Variants in DNM1 observed in about 807,000 individuals in gnomAD.
DNM1 encodes dynamin-1.
A neutral mutation model predicts 104.6 loss-of-function variants in DNM1; 29 were observed. That is an observed-to-expected ratio of 0.28 (90% CI 0.21 to 0.38). The LOEUF (loss-of-function observed/expected upper bound fraction) is 0.38, where lower values mean the gene tolerates loss of function less well. Among genes scored for constraint, DNM1 ranks in the 10% least tolerant of loss-of-function variants. DNM1 has a pLI of 1.00. For missense variants in DNM1, 640 were observed against 1,189.4 expected, an observed-to-expected ratio of 0.54 and a Z score of 6.79; for synonymous variants, 445 against 475.8, an observed-to-expected ratio of 0.94 and a Z score of 0.84.
In DNM1 at chr9:128,248,490, T is replaced by C; in HGVS notation, c.1906-93T>C. ...GTCGCTTCTCTCTGTGCCTCAATAT[T>C]CTGGGTACCCTTGGAGGGGCTGAGA... is the stretch of plus-strand genomic sequence containing the variant. On this transcript the variant is annotated intron_variant, in intron 18 of 21. Transcript: ENST00000372923. The surrounding 1 kb of genome is among the most constrained non-coding windows in gnomAD (Gnocchi z 5.6). 1.4e-6 allele frequency: 2 copies of C among 1,473,016 alleles called. No individual in the cohort carries two copies. The highest frequency in any genetic ancestry group is 2.5e-5 in the South Asian group (2 of 79,036). 91.2% of individuals were successfully genotyped at this position (1,473,016 alleles called of 1,614,324 possible). A position where few individuals can be genotyped will look rare whatever the true frequency, so the allele number is the denominator to read the frequency against.
At position 128,203,408 on chromosome 9, in the gene DNM1, C is replaced by A; in HGVS notation, c.-63C>A. 7.4e-7 allele frequency: 1 copy of A among 1,349,302 alleles called. No individual in the cohort carries two copies. The highest frequency in any genetic ancestry group is 1.7e-5 in the South Asian group (1 of 59,022). 83.6% of individuals were successfully genotyped at this position (1,349,302 alleles called of 1,614,324 possible). A position where few individuals can be genotyped will look rare whatever the true frequency, so the allele number is the denominator to read the frequency against. ...TGGGCGCGCGGCTGCAGCGGCGGAG[C>A]CGGAGTCGGAGCCGGGAGCGCTAGC... On this transcript the variant is annotated 5_prime_UTR_variant, in exon 1 of 22. Coordinates refer to ENST00000372923, the MANE Select transcript of DNM1 (RefSeq NM_004408.4). The surrounding 1 kb of genome is among the most constrained non-coding windows in gnomAD (Gnocchi z 5.3).
chr9:128,220,015 A>G lies in DNM1; in HGVS notation c.617A>G (p.Lys206Arg). 6.3e-7 allele frequency: 1 copy of G among 1,597,914 alleles called. No homozygotes were observed. Among genetic ancestry groups the G allele is most frequent in the Admixed American group, 1.8e-5 (1 of 57,116 alleles). ...QGQRTIGVITKLDLMDEGTDA... is the reference protein window; with the variant it reads ...QGQRTIGVITRLDLMDEGTDA... ...CAGCGCACCATCGGGGTCATCACCA[A>G]GCTGGACCTGATGGACGAGGGCACA... The change falls in exon 5 of 22, where the codon AAG becomes AGG. Residue 206 changes from lysine (K) to arginine (R), a missense_variant. Lys to Arg is a conservative substitution (Grantham distance 26). Transcript: ENST00000372923. The surrounding 1 kb of genome is among the most constrained non-coding windows in gnomAD (Gnocchi z 5.2).
chr9:128,207,137 G>A (rs1473796732), intron 1 of DNM1, among the ~76,000 whole-genome samples: 2 of 152,058 alleles, frequency 1.3e-5, no homozygotes, highest in Admixed American at 6.6e-5. Flanking sequence ...TAACAGAGTC[G>A]GGAAGAGTAA....
intron 11 of DNM1, among the ~76,000 whole-genome samples, chr9:128,235,189 T>C (rs1835936183): frequency 6.6e-6 from 1 of 152,274 alleles, no homozygotes; most frequent in East Asian, 1.9e-4. Flanking sequence ...ATCCGTATTG[T>C]AGCATGTGTC....
chr9:128,203,696 G>T lies in DNM1; in HGVS notation c.161+65G>T. ...CGGGATCCCTGGAGTCCCCGCCCGG[G>T]GCACTGACGGCGCGGCGACCTCGCA... On this transcript the variant is annotated intron_variant, in intron 1 of 21. Coordinates refer to ENST00000372923, the MANE Select transcript of DNM1 (RefSeq NM_004408.4). This position sits in a 1 kb window ranked among gnomAD's most constrained non-coding sequence, Gnocchi z 5.3. The T allele has an allele frequency of 7.4e-7, 1 of 1,359,874 alleles. No homozygotes were observed. Among genetic ancestry groups the T allele is most frequent in the Non-Finnish European group, 9.5e-7 (1 of 1,057,586 alleles). 84.2% of individuals were successfully genotyped at this position (1,359,874 alleles called of 1,614,324 possible).
Position 128,222,572 on chromosome 9 carries a change from G to A in DNM1, c.1104G>A (p.Glu368=). ...CCCGCATTAACCGAATCTTCCACGA[G>A]CGCTTCCCTTTCGAGCTGGTCAAGG... ...GGARINRIFH[E]RFPFELVKME... The change falls in exon 8 of 22, where the codon GAG becomes GAA. Residue 368 remains glutamate (E), a synonymous_variant. Coordinates refer to ENST00000372923, the MANE Select transcript of DNM1 (RefSeq NM_004408.4). This position sits in a 1 kb window ranked among gnomAD's most constrained non-coding sequence, Gnocchi z 7.8. 1 of 1,614,168 alleles carries A rather than the reference G, an allele frequency of 6.2e-7. No homozygotes were observed. The highest frequency in any genetic ancestry group is 1.1e-5 in the South Asian group (1 of 91,082).
At position 128,247,261 on chromosome 9, in the gene DNM1, G is replaced by C; in HGVS notation, c.1782-114G>C. On this transcript the variant is annotated intron_variant, in intron 16 of 21. Transcript: ENST00000372923. The surrounding 1 kb of genome is among the most constrained non-coding windows in gnomAD (Gnocchi z 5.1). ...GAAGGGACTTGCACAGGGTCACACAGCTGGGAAATGAGCTGGCCTCAGGCA... is the reference window on the plus strand; with the variant it reads ...GAAGGGACTTGCACAGGGTCACACACCTGGGAAATGAGCTGGCCTCAGGCA... The C allele has an allele frequency of 1.5e-6, 1 of 647,892 alleles. No individual in the cohort carries two copies. The allele number at this position is 647,892 out of a possible 1,614,324, so 40.1% of individuals were successfully genotyped here.
At chr9:128,244,948 G>T (rs1407601279) in intron 15 of DNM1, 1 of 315,424 alleles carries the variant, frequency 3.2e-6, no homozygotes, top group Non-Finnish European at 6.9e-6. Context: ...CCAGCCCGTG[G>T]TCCCCTCTCT....
At chr9:128,231,017 G>C (rs1249328752) in intron 10 of DNM1, among the ~76,000 whole-genome samples, 1 of 148,354 alleles carries the variant, frequency 6.7e-6, no homozygotes, top group Non-Finnish European at 1.5e-5. Context: ...TAGCCAGGCT[G>C]GTCTCAAACT....
At position 128,254,866 on chromosome 9, in the gene DNM1, C is replaced by T. The variant is rs1421374896; in HGVS notation, c.*152C>T. 3.0e-6 allele frequency: 2 copies of T among 669,098 alleles called. 1 individual carries two copies. Among genetic ancestry groups the T allele is most frequent in the Non-Finnish European group, 5.1e-6 (2 of 389,796 alleles). 41.4% of individuals were successfully genotyped at this position (669,098 alleles called of 1,614,324 possible). On this transcript the variant is annotated 3_prime_UTR_variant, in exon 22 of 22. Coordinates refer to ENST00000372923, the MANE Select transcript of DNM1 (RefSeq NM_004408.4). This position sits in a 1 kb window ranked among gnomAD's most constrained non-coding sequence, Gnocchi z 6.1. ...GGTGAGCTGATACATTCAGGTGTGA[C>T]CGTTGGTGAAAACTTGTGCCCCTTC...
Position 128,218,082 on chromosome 9 carries a change from T to C in DNM1, c.162-149T>C. Reference sequence around the variant, plus strand: ...TCCACCTTTCTGGGCTGCCATATGCTCTTAGTTACCTGAAGCCCCTGGGCT... The same window carrying C: ...TCCACCTTTCTGGGCTGCCATATGCCCTTAGTTACCTGAAGCCCCTGGGCT... On this transcript the variant is annotated intron_variant, in intron 1 of 21. Coordinates refer to ENST00000372923, the MANE Select transcript of DNM1 (RefSeq NM_004408.4). This position sits in a 1 kb window ranked among gnomAD's most constrained non-coding sequence, Gnocchi z 4.8. The C allele has an allele frequency of 1.3e-6, 1 of 763,058 alleles. No homozygotes were observed. Among genetic ancestry groups the C allele is most frequent in the Non-Finnish European group, 2.4e-6 (1 of 425,286 alleles). 47.3% of individuals were successfully genotyped at this position (763,058 alleles called of 1,614,324 possible).
chr9:128,245,149 T>C lies in DNM1; in HGVS notation c.1672-1245T>C, dbSNP rs1389543719. 2.1e-5 allele frequency: 4 copies of C among 186,918 alleles called. No homozygotes were observed. Among genetic ancestry groups the C allele is most frequent in the Non-Finnish European group, 2.3e-5 (2 of 86,856 alleles). The allele number at this position is 186,918 out of a possible 1,614,324, so 11.6% of individuals were successfully genotyped here. A position where few individuals can be genotyped will look rare whatever the true frequency, so the allele number is the denominator to read the frequency against. ...GGGGCCTCTCTCGAACGGTTCCAGA[T>C]GTTCCCTGGCCGTGTGTGCAACTTC... On this transcript the variant is annotated intron_variant, in intron 15 of 21. Transcript: ENST00000372923. This position sits in a 1 kb window ranked among gnomAD's most constrained non-coding sequence, Gnocchi z 5.2.
Position 128,218,767 on chromosome 9 carries a change from C to A in DNM1, c.385+36C>A, listed in dbSNP as rs1834763295. The A allele has an allele frequency of 1.7e-5, 26 of 1,560,760 alleles. No individual in the cohort carries two copies. The highest frequency in any genetic ancestry group is 5.8e-5 in the South Asian group (5 of 85,924). ...TGGCCCCGCCCTAACCTCTAAGAAT[C>A]ATTTTCTTGGCCACGCACCTCTGCG... is the stretch of plus-strand genomic sequence containing the variant. On this transcript the variant is annotated intron_variant, in intron 3 of 21. Coordinates refer to ENST00000372923, the MANE Select transcript of DNM1 (RefSeq NM_004408.4). The surrounding 1 kb of genome is among the most constrained non-coding windows in gnomAD (Gnocchi z 4.8).
rs554793040 is a variant in DNM1 at position 128,243,515 on chromosome 9, G to A, written c.1671+1170G>A. On this transcript the variant is annotated intron_variant, in intron 15 of 21. Transcript: ENST00000372923. The surrounding 1 kb of genome is among the most constrained non-coding windows in gnomAD (Gnocchi z 4.0). ...TCCACCTTGGGAGGGGCCCTCTGTC[G>A]TCACTGGCGGGGGCGCCAAGCCATC... Among the ~76,000 whole-genome samples, 585 of 152,326 alleles carry A rather than the reference G, an allele frequency of 3.8e-3. 4 individuals are homozygous for A. Among genetic ancestry groups the A allele is most frequent in the South Asian group, 0.034 (162 of 4,830 alleles).
intron 1 of DNM1, among the ~76,000 whole-genome samples, chr9:128,211,823 C>T (rs1456485913): frequency 6.6e-6 from 1 of 152,188 alleles, no homozygotes; most frequent in African/African-American, 2.4e-5. Flanking sequence ...TTTGTTTTCT[C>T]CCAGATGGGA....
At chr9:128,242,626 G>A (rs1236785533) in intron 15 of DNM1, among the ~76,000 whole-genome samples, 3 of 152,176 alleles carry the variant, frequency 2.0e-5, no homozygotes, top group Admixed American at 6.5e-5. Context: ...CAGGTGTGTT[G>A]GCGGGCGCCT....
chr9:128,239,388 A>G (rs1836217973), intron 11 of DNM1, 57 bp from the exon 12 acceptor site: 9 of 1,386,348 alleles, frequency 6.5e-6, no homozygotes, highest in East Asian at 2.3e-5. Context: ...CTTGCCCTGC[A>G]TTTTAAAACT....
intron 20 of DNM1, among the ~76,000 whole-genome samples, 184 bp downstream of exon 20, chr9:128,250,540 C>T (rs1305745902): frequency 6.6e-6 from 1 of 152,038 alleles, no homozygotes; most frequent in Non-Finnish European, 1.5e-5. Context: ...GGCTGCAAGG[C>T]TGGGTGGAGC....
intron 1 of DNM1, among the ~76,000 whole-genome samples, chr9:128,216,885 A>G (rs1356730885): frequency 2.0e-5 from 3 of 152,138 alleles, no homozygotes; most frequent in African/African-American, 7.2e-5. Context: ...CTGTGTCTCA[A>G]TGGTCCCTCG....
Sources: allele counts gnomAD v4.1 joint callset (sites outside exome capture counted in the v4.1 genomes callset), GRCh38; gene constraint gnomAD v4.1.1; non-coding constraint Gnocchi (gnomAD v3.1); transcripts MANE v1.5; gene names NCBI Gene and HGNC (gene_info 2026-07-23, HGNC 2026-07-21).